PHACTR3: variants seen among roughly 807,000 people sequenced by gnomAD.
The protein encoded by PHACTR3 is phosphatase and actin regulator 3.
PHACTR3 carries 16 observed loss-of-function variants against 66.8 expected under a neutral mutation model. The ratio of observed to expected loss-of-function variants is 0.24; its 90% CI spans 0.16 to 0.36. PHACTR3 has a LOEUF of 0.36. PHACTR3 is among the 10% of genes least tolerant of loss of function. The pLI is 1.00. For missense variants in PHACTR3, 647 were observed against 719.9 expected, an observed-to-expected ratio of 0.90 and a Z score of 1.16; for synonymous variants, 323 against 292.1, an observed-to-expected ratio of 1.11 and a Z score of -1.08.
intron 9 of PHACTR3, among the ~76,000 whole-genome samples, chr20:59,838,100 C>T (rs1214152410): frequency 2.0e-5 from 3 of 152,128 alleles, no homozygotes; most frequent in East Asian, 1.9e-4. Context: ...ATGGCAATCC[C>T]GCCATAAACA....
chr20:59,844,094 G>C (rs978021054), intron 11 of PHACTR3: 2 of 151,970 alleles, frequency 1.3e-5, no homozygotes, highest in East Asian at 3.8e-4. Flanking sequence ...TTAATCAACA[G>C]GGAAATGCAA....
chr20:59,779,323 A>G (rs1482479453), intron 7 of PHACTR3, among the ~76,000 whole-genome samples: 1 of 152,204 alleles, frequency 6.6e-6, no homozygotes, highest in East Asian at 1.9e-4. Context: ...AAAATTCAAT[A>G]TTGGTCATAC....
chr20:59,686,581 G>A (rs916906782), intron 1 of PHACTR3, among the ~76,000 whole-genome samples: 3 of 151,162 alleles, frequency 2.0e-5, no homozygotes, highest in African/African-American at 7.3e-5. Flanking sequence ...CGTGATGATT[G>A]TGATGATGAT....
At chr20:59,638,756 A>G (rs932473492) in intron 1 of PHACTR3, among the ~76,000 whole-genome samples, 3 of 145,244 alleles carry the variant, frequency 2.1e-5, no homozygotes, top group Admixed American at 1.4e-4. Flanking sequence ...AGATGGATGG[A>G]TGGATGGGTA....
intron 8 of PHACTR3, among the ~76,000 whole-genome samples, chr20:59,812,710 G>A (rs1394485002): frequency 1.3e-5 from 2 of 152,240 alleles, no homozygotes; most frequent in African/African-American, 2.4e-5. Flanking sequence ...CACAGAAATG[G>A]TGTTTGGTAA....
At chr20:59,836,322 C>T (rs556213657) in intron 8 of PHACTR3, 183 bp from the exon 9 acceptor site, 6 of 570,468 alleles carry the variant, frequency 1.1e-5, no homozygotes, top group Non-Finnish European at 1.8e-5. Context: ...CTTTGACTGT[C>T]ACCTGGAAGT....
intron 1 of PHACTR3, among the ~76,000 whole-genome samples, chr20:59,687,351 C>A (rs1427669236): frequency 6.6e-6 from 1 of 151,846 alleles, no homozygotes; most frequent in East Asian, 1.9e-4. Context: ...GATGTTGTTA[C>A]CTTGTAGTAG....
intron 1 of PHACTR3, among the ~76,000 whole-genome samples, chr20:59,720,629 C>G (rs1039208285): frequency 6.6e-6 from 1 of 152,206 alleles, no homozygotes; most frequent in African/African-American, 2.4e-5. Context: ...ACACAATCCC[C>G]TACGTCTCCT....
At chr20:59,616,848 AT>A (rs912507596) in intron 1 of PHACTR3, among the ~76,000 whole-genome samples, 43 of 150,318 alleles carry the variant, frequency 2.9e-4, no homozygotes, top group Admixed American at 1.2e-3. Flanking sequence ...AATTTAGCTC[AT>A]TTTTTTTTAA....
chr20:59,738,172 G>C lies in PHACTR3; in HGVS notation c.119-4935G>C, dbSNP rs997903695. ...ACCCCCCAGCAAGGCCCTGGCAAAG[G>C]GGATGCAGGGAGTCAATGCTTCAAC... is the stretch of plus-strand genomic sequence containing the variant. On this transcript the variant is annotated intron_variant, in intron 1 of 12. Transcript: ENST00000371015. This position sits in a 1 kb window ranked among gnomAD's most constrained non-coding sequence, Gnocchi z 4.4. Among the ~76,000 whole-genome samples, 4 of 152,050 alleles carry C rather than the reference G, an allele frequency of 2.6e-5. No homozygotes were observed. The highest frequency in any genetic ancestry group is 4.4e-5 in the Non-Finnish European group (3 of 68,010).
chr20:59,600,008 C>G (rs555528559), upstream of PHACTR3, among the ~76,000 whole-genome samples: 1 of 152,346 alleles, frequency 6.6e-6, no homozygotes, highest in Non-Finnish European at 1.5e-5. Flanking sequence ...CAGGCTCTTC[C>G]TGAGGTCCAT....
In PHACTR3 at chr20:59,725,005, G is replaced by C. The variant is rs141331437; in HGVS notation, c.119-18102G>C. On this transcript the variant is annotated intron_variant, in intron 1 of 12. Transcript: ENST00000371015. The stretch of plus-strand genomic sequence containing the variant: ...GTGAGCCCAGGTGGGTTTGAGCTCA[G>C]GTATGTTGAGAGGAGGGTGGATGTG... 7.3e-5 allele frequency among the ~76,000 whole-genome samples: 11 copies of C among 150,946 alleles called. 1 individual carries two copies. The highest frequency in any genetic ancestry group is 2.7e-4 in the African/African-American group (11 of 41,058).
At chr20:59,814,124 A>G (rs1274322767) in intron 8 of PHACTR3, among the ~76,000 whole-genome samples, 2 of 152,142 alleles carry the variant, frequency 1.3e-5, no homozygotes, top group Non-Finnish European at 2.9e-5. Context: ...AGAAGCAGCC[A>G]GGGCTCCCTG....
At chr20:59,790,068 C>A (rs572382792) in intron 7 of PHACTR3, among the ~76,000 whole-genome samples, 1 of 152,314 alleles carries the variant, frequency 6.6e-6, no homozygotes, top group East Asian at 1.9e-4. Context: ...TATTTTAACT[C>A]CAAAGCCTCT....
chr20:59,715,625 G>A (rs180816411), intron 1 of PHACTR3, among the ~76,000 whole-genome samples: 223 of 152,256 alleles, frequency 1.5e-3, no homozygotes, highest in Non-Finnish European at 1.8e-3. Flanking sequence ...TGAAGGTTAT[G>A]CTGGCCTCTT....
chr20:59,773,341 C>T lies in PHACTR3; in HGVS notation c.814C>T (p.Leu272Phe). 1.2e-6 allele frequency: 2 copies of T among 1,614,190 alleles called. No individual in the cohort carries two copies. Among genetic ancestry groups the T allele is most frequent in the Non-Finnish European group, 1.7e-6 (2 of 1,180,034 alleles). Residue 272 changes from leucine (L) to phenylalanine (F), a missense_variant, in exon 6 of 13, where the codon CTC (leucine) becomes TTC (phenylalanine). Leu to Phe is a conservative substitution (Grantham distance 22). Transcript: ENST00000371015. ...KSADPSLRGQ[L>F]STPTGSPHLT... ...TGCCGACCCTTCCCTCCGGGGCCAG[C>T]TCTCCACACCCACGGGGTCTCCGCA...
At chr20:59,590,744 G>A (rs1023857699) in intron 1 of PHACTR3, among the ~76,000 whole-genome samples, 2 of 152,174 alleles carry the variant, frequency 1.3e-5, no homozygotes. Flanking sequence ...TGCAGCCTGC[G>A]AAGTCCAAGA....
intron 1 of PHACTR3, among the ~76,000 whole-genome samples, chr20:59,726,562 G>C (rs1201690507): frequency 2.0e-5 from 3 of 152,158 alleles, no homozygotes; most frequent in Non-Finnish European, 4.4e-5. Flanking sequence ...TCCAGCCCCA[G>C]CTTCTTGACT....
chr20:59,674,158 G>T (rs1392898486), intron 1 of PHACTR3, among the ~76,000 whole-genome samples: 1 of 151,486 alleles, frequency 6.6e-6, no homozygotes, highest in Non-Finnish European at 1.5e-5. Context: ...GCTTAAAGGT[G>T]TCATTAGCAA....
Sources: gnomAD v4.1 joint callset for allele counts (sites outside exome capture counted in the v4.1 genomes callset) on GRCh38, gnomAD v4.1.1 for gene constraint, Gnocchi (gnomAD v3.1) non-coding constraint, MANE v1.5 for transcripts, NCBI Gene and HGNC (gene_info 2026-07-23, HGNC 2026-07-21) for gene names.